The following PRRC2B variants were observed in gnomAD, a reference collection of about 807,000 sequenced individuals.
The protein encoded by PRRC2B is proline rich coiled-coil 2B.
Under a neutral mutation model 242.3 loss-of-function variants are expected in PRRC2B, and 68 were observed. The observed-to-expected ratio is 0.28, with a 90% CI of 0.23 to 0.34. The LOEUF is 0.34. PRRC2B is among the 10% of genes least tolerant of loss of function. PRRC2B has a pLI of 1.00. For missense variants in PRRC2B, 2,835 were observed against 2,954.8 expected (o/e 0.96, Z 0.94); for synonymous variants, 1,228 against 1,173.6 (o/e 1.05, Z -0.95).
intron 16 of PRRC2B, among the ~76,000 whole-genome samples, chr9:131,477,140 C>T (rs1564297561): frequency 6.6e-6 from 1 of 152,198 alleles, no homozygotes; most frequent in South Asian, 2.1e-4. Context: ...AGGAGAGGGT[C>T]CCCTGCACAG....
chr9:131,429,344 A>T (rs1182034656), intron 1 of PRRC2B, among the ~76,000 whole-genome samples: 1 of 152,240 alleles, frequency 6.6e-6, no homozygotes, highest in Non-Finnish European at 1.5e-5. Flanking sequence ...GTAGCACATT[A>T]GAAAGTGGCA....
At chr9:131,412,070 G>A (rs927824478) in intron 1 of PRRC2B, among the ~76,000 whole-genome samples, 1 of 151,994 alleles carries the variant, frequency 6.6e-6, no homozygotes, top group Non-Finnish European at 1.5e-5. Context: ...GACTCTCAGA[G>A]TGTGGGGATT....
In PRRC2B at chr9:131,474,995, GAGA is replaced by G; in HGVS notation, c.2869_2871del (p.Lys957del). The G allele has an allele frequency of 1.9e-6, 3 of 1,601,392 alleles. No homozygotes were observed. Among genetic ancestry groups the G allele is most frequent in the Non-Finnish European group, 2.6e-6 (3 of 1,174,074 alleles). The stretch of plus-strand genomic sequence containing the variant: ...GAAAGCCCTCAAGGTGGAAGACAAG[GAGA>G]AGGAGCTTGAGAAGATTAAGCAGGA... On this transcript the variant is annotated inframe_deletion, in exon 16 of 32. Coordinates refer to ENST00000683519, the MANE Select transcript of PRRC2B (RefSeq NM_013318.4).
At chr9:131,393,452 CACAA>C (rs1021516503), upstream of PRRC2B, among the ~76,000 whole-genome samples, 1 of 152,318 alleles carries the variant, frequency 6.6e-6, no homozygotes, top group East Asian at 1.9e-4. Flanking sequence ...TTTGCAATCA[CACAA>C]ACACACAACA....
At position 131,378,309 on chromosome 9, in the gene PRRC2B, C is replaced by CAA. The variant is rs761589088; in HGVS notation, c.-56+4598_-56+4599dup. Among the ~76,000 whole-genome samples, 109 of 58,464 alleles carry CAA rather than the reference C, an allele frequency of 1.9e-3. 1 individual carries two copies. Among genetic ancestry groups the CAA allele is most frequent in the Middle Eastern group, 9.4e-3 (1 of 106 alleles). The allele number at this position is 58,464 out of a possible 152,430, so 38.4% of individuals were successfully genotyped here. A position where few individuals can be genotyped will look rare whatever the true frequency, so the allele number is the denominator to read the frequency against. On this transcript the variant is annotated intron_variant, in intron 1 of 1. Transcript: ENST00000682525. ...GGACGACAAGAGTGAAACTCTGTCT[C>CAA]AAAAAAAAAAAAAAAAAAAAAGTCC...
At chr9:131,410,113 C>T (rs1383067799) in intron 1 of PRRC2B, among the ~76,000 whole-genome samples, 1 of 152,198 alleles carries the variant, frequency 6.6e-6, no homozygotes, top group African/African-American at 2.4e-5. Flanking sequence ...AAATCATCTT[C>T]TTCCCCACCC....
chr9:131,400,311 C>G (rs918044200), intron 1 of PRRC2B, among the ~76,000 whole-genome samples: 1 of 151,214 alleles, frequency 6.6e-6, no homozygotes, highest in Non-Finnish European at 1.5e-5. Flanking sequence ...GTTTGTTTTT[C>G]TTTTCTTTTC....
Position 131,482,672 on chromosome 9 carries a change from C to T in PRRC2B, c.5176-38C>T. The T allele has an allele frequency of 6.5e-7, 1 of 1,528,348 alleles. No individual in the cohort carries two copies. Among genetic ancestry groups the T allele is most frequent in the Non-Finnish European group, 8.8e-7 (1 of 1,137,570 alleles). 94.7% of individuals were successfully genotyped at this position (1,528,348 alleles called of 1,614,324 possible). On this transcript the variant is annotated intron_variant, in intron 21 of 31. Transcript: ENST00000683519. The surrounding 1 kb of genome is among the most constrained non-coding windows in gnomAD (Gnocchi z 5.2). ...TAGAAGCTAGAGAGTGTGGTCATTC[C>T]AGTCTGTGTGTCTCCACCTCTCTGC...
chr9:131,473,781 T>C lies in PRRC2B; in HGVS notation c.2324+57T>C, dbSNP rs570363314. 9.2e-4 allele frequency: 1,285 copies of C among 1,391,310 alleles called. 9 individuals are homozygous for C. In the African/African-American group the frequency reaches 0.016, roughly 18 times the overall value. The allele number at this position is 1,391,310 out of a possible 1,614,324, so 86.2% of individuals were successfully genotyped here. A position where few individuals can be genotyped will look rare whatever the true frequency, so the allele number is the denominator to read the frequency against. ...ACTGAAGGAGGACTCCAGGTCCTAA[T>C]TGAGAGGGCCCTGGGATGAGCTACC... On this transcript the variant is annotated intron_variant, in intron 15 of 31. Transcript: ENST00000683519.
upstream of PRRC2B, among the ~76,000 whole-genome samples, chr9:131,393,906 C>G (rs964783422): frequency 1.3e-5 from 2 of 151,220 alleles, no homozygotes; most frequent in Non-Finnish European, 3.0e-5. Context: ...CCCCGCCCCT[C>G]CCCCCTGGCC....
intron 20 of PRRC2B, 27 bp downstream of exon 20, chr9:131,481,835 G>A: frequency 6.5e-7 from 1 of 1,537,164 alleles, no homozygotes; most frequent in Non-Finnish European, 8.8e-7. Context: ...CCCACATGCT[G>A]CCCCTGGGAT....
intron 20 of PRRC2B, 66 bp downstream of exon 20, chr9:131,481,874 C>A: frequency 7.0e-7 from 1 of 1,425,778 alleles, no homozygotes; most frequent in Non-Finnish European, 9.6e-7. Context: ...TCACCATCCA[C>A]ACGGCCAGCT....
chr9:131,436,017 A>T (rs187886623), intron 3 of PRRC2B, among the ~76,000 whole-genome samples: 2 of 152,344 alleles, frequency 1.3e-5, no homozygotes, highest in Admixed American at 1.3e-4. Context: ...TTTCTTTTAT[A>T]AACTCAGAGA....
rs533405781 is a variant in PRRC2B at position 131,446,773 on chromosome 9, G to A, written c.855+131G>A. 8 of 1,081,906 alleles carry A rather than the reference G, an allele frequency of 7.4e-6. No individual in the cohort carries two copies. The highest frequency in any genetic ancestry group is 3.3e-5 in the South Asian group (2 of 61,448). 67.0% of individuals were successfully genotyped at this position (1,081,906 alleles called of 1,614,324 possible). A position where few individuals can be genotyped will look rare whatever the true frequency, so the allele number is the denominator to read the frequency against. ...TACCCTACTTCTGAGGCTTCCACTC[G>A]TTTTGCATTTTCTCTCCCTGCTTTT... is the stretch of plus-strand genomic sequence containing the variant. On this transcript the variant is annotated intron_variant, in intron 7 of 31. Transcript: ENST00000683519. The surrounding 1 kb of genome is among the most constrained non-coding windows in gnomAD (Gnocchi z 4.1).
Position 131,444,292 on chromosome 9 carries a change from C to G in PRRC2B, c.577C>G (p.Leu193Val). Residue 193 changes from leucine (L) to valine (V), a missense_variant, in exon 6 of 32, where the codon CTG becomes GTG. Physicochemically the swap from Leu to Val is conservative, Grantham distance 32. Coordinates refer to ENST00000683519, the MANE Select transcript of PRRC2B (RefSeq NM_013318.4). ...TGGCAAAGAAAAGGGCGTCTTAGAT[C>G]TGTCGTATGGGCCAGGACCAAGCCT... is the stretch of plus-strand genomic sequence containing the variant. ...KAGKEKGVLD[L>V]SYGPGPSLRP... 3 of 1,613,510 alleles carry G rather than the reference C, an allele frequency of 1.9e-6. No homozygotes were observed. The highest frequency in any genetic ancestry group is 2.5e-6 in the Non-Finnish European group (3 of 1,179,662).
chr9:131,486,452 GCTAAAATGGAATTTT>G (rs1944027849), intron 26 of PRRC2B: 1 of 983,396 alleles, frequency 1.0e-6, no homozygotes, highest in East Asian at 1.1e-4. Context: ...CGGGGAATTA[GCTAAAATGGAATTTT>G]CTTTGGTGAT....
At chr9:131,388,540 C>G (rs1836855863) in intron 1 of PRRC2B, among the ~76,000 whole-genome samples, 1 of 148,662 alleles carries the variant, frequency 6.7e-6, no homozygotes, top group East Asian at 2.0e-4. Flanking sequence ...ACGCCCAGCA[C>G]TTTTTTTCTT....
intron 1 of PRRC2B, among the ~76,000 whole-genome samples, chr9:131,427,728 A>C (rs1380796298): frequency 3.3e-5 from 5 of 152,186 alleles, no homozygotes; most frequent in Non-Finnish European, 5.9e-5. Flanking sequence ...TGTCAGAACA[A>C]GATGGTGAAA....
rs528800607 is a variant in PRRC2B, at chr9:131,459,289, G to A, written c.1337G>A (p.Arg446Gln). The change falls in exon 11 of 32, where the codon CGA becomes CAA. Residue 446 changes from arginine to glutamine, a missense_variant. Physicochemically the swap from Arg to Gln is conservative, Grantham distance 43 (BLOSUM62 1). Around this residue, in one of 7 missense-constraint regions of PRRC2B, gnomAD observed 626 missense variants for 685.5 expected, o/e 0.91. Transcript: ENST00000683519. ...GCAGTGGGTGCGTCCCGTGTGGTCC[G>A]AAAGGCGCCAGACCCTCAGCCACCG... Reference protein sequence around the residue: ...AEAVGASRVVRKAPDPQPPPR... With the variant: ...AEAVGASRVVQKAPDPQPPPR... 1.5e-5 allele frequency: 25 copies of A among 1,613,928 alleles called. No individual in the cohort carries two copies. The East Asian group carries it at 2.0e-4, about 13-fold the overall frequency.
Sources: allele counts gnomAD v4.1 joint callset (sites outside exome capture counted in the v4.1 genomes callset), GRCh38; gene constraint gnomAD v4.1.1; regional missense constraint gnomAD v4.1.1; non-coding constraint Gnocchi (gnomAD v3.1); transcripts MANE v1.5; gene names NCBI Gene and HGNC (gene_info 2026-07-23, HGNC 2026-07-21).